Variants in ZNF808 observed in about 807,000 individuals in gnomAD.
ZNF808 encodes the protein zinc finger protein 808.
In ZNF808, 5 loss-of-function variants were observed where a neutral mutation model predicts 8.7. That is an observed-to-expected ratio of 0.58 (90% confidence interval 0.30 to 1.21). The LOEUF is 1.21. ZNF808 is among the 50% of genes most tolerant of loss of function. The probability of loss-of-function intolerance (pLI) is 0.07; values close to 1 mark genes in which losing one functional copy is unlikely to be tolerated. For synonymous variants in ZNF808, 380 were observed against 366.0 expected (o/e 1.04, Z -0.44); for missense variants, 1,103 against 1,098.4 (o/e 1.00, Z -0.06).
At chr19:52,565,210 G>A (rs918111400), downstream of ZNF808, among the ~76,000 whole-genome samples, 3 of 152,126 alleles carry the variant, frequency 2.0e-5, no homozygotes, top group African/African-American at 4.8e-5. Flanking sequence ...CTTGGGAGGC[G>A]GAGGTTGCTG....
intron 2 of ZNF808, among the ~76,000 whole-genome samples, chr19:52,535,187 C>A (rs2059593656): frequency 6.6e-6 from 1 of 151,394 alleles, no homozygotes; most frequent in South Asian, 2.1e-4. Flanking sequence ...AAAAATTAGC[C>A]GAGCGTCGTG....
chr19:52,536,781 C>T (rs542458446), intron 2 of ZNF808, among the ~76,000 whole-genome samples: 16 of 151,768 alleles, frequency 1.1e-4, no homozygotes, highest in East Asian at 7.8e-4. Flanking sequence ...GACAGGGGGG[C>T]GTAACAGGGA....
At chr19:52,532,021 A>G (rs575223233) in intron 1 of ZNF808, among the ~76,000 whole-genome samples, 2 of 152,316 alleles carry the variant, frequency 1.3e-5, no homozygotes, top group South Asian at 4.1e-4. Flanking sequence ...AGAATTCTGC[A>G]GGCTGTATAA....
downstream of ZNF808, among the ~76,000 whole-genome samples, chr19:52,558,474 C>T (rs1384066935): frequency 1.3e-5 from 2 of 152,038 alleles, no homozygotes; most frequent in Admixed American, 6.6e-5. Context: ...CAGGTTCAAG[C>T]GATTCTTGTG....
At chr19:52,552,367 AATT>A (rs774286898) in intron 4 of ZNF808, among the ~76,000 whole-genome samples, 5 of 151,266 alleles carry the variant, frequency 3.3e-5, no homozygotes, top group Non-Finnish European at 5.9e-5. Flanking sequence ...AGATATATAT[AATT>A]TTATGACATT....
In ZNF808 at chr19:52,553,753, A is replaced by C. The variant is rs1005043251; in HGVS notation, c.837A>C (p.Arg279Ser). 1.9e-6 allele frequency: 3 copies of C among 1,614,072 alleles called. No individual in the cohort carries two copies. The highest frequency in any genetic ancestry group is 2.5e-6 in the Non-Finnish European group (3 of 1,180,028). The stretch of plus-strand genomic sequence containing the variant: ...AGCAATACCTTGCATGCCATCGTAG[A>C]TGTCACACTGGAGAGAAACCTTACA... ...NHKQYLACHR[R>S]CHTGEKPYKC... The change falls in exon 5 of 5, where the codon AGA becomes AGC. Residue 279 changes from arginine to serine, a missense_variant. By Grantham distance (110) the Arg-to-Ser change is moderately radical. Coordinates refer to ENST00000359798, the MANE Select transcript of ZNF808 (RefSeq NM_001039886.4).
intron 3 of ZNF808, among the ~76,000 whole-genome samples, chr19:52,544,145 C>T (rs1256787596): frequency 2.0e-5 from 3 of 151,938 alleles, no homozygotes; most frequent in Admixed American, 2.0e-4. Context: ...GGAGATGGAG[C>T]GAGACTCTGT....
intron 4 of ZNF808, 120 bp downstream of exon 4, chr19:52,547,758 T>TTTC: frequency 6.9e-7 from 1 of 1,451,784 alleles, no homozygotes; most frequent in African/African-American, 1.4e-5. Context: ...TTTTTTTTTT[T>TTTC]TGACATGGAG....
intron 2 of ZNF808, among the ~76,000 whole-genome samples, chr19:52,540,314 T>C (rs1274629080): frequency 6.6e-6 from 1 of 152,216 alleles, no homozygotes; most frequent in Non-Finnish European, 1.5e-5. Flanking sequence ...CTGTCCTCAT[T>C]GTTTTCAAAG....
rs187341923 is a variant in ZNF808, at chr19:52,553,852, A to G, written c.936A>G (p.Val312=). 124 of 1,614,100 alleles carry G rather than the reference A, an allele frequency of 7.7e-5. No individual in the cohort carries two copies. The East Asian group carries it at 2.7e-3, about 35-fold the overall frequency. ...GCCATCATAGACTTCATACTGGAGT[A>G]AAACCTTACAAGTGTAATGAGTGTG... is the stretch of plus-strand genomic sequence containing the variant. ...LTCHHRLHTG[V]KPYKCNECGK... is the part of the protein sequence containing the mutation. Residue 312 remains valine, a synonymous_variant, in exon 5 of 5, where the codon GTA becomes GTG. Transcript: ENST00000359798.
intron 4 of ZNF808, among the ~76,000 whole-genome samples, chr19:52,549,015 C>T (rs1600013043): frequency 6.6e-6 from 1 of 151,958 alleles, no homozygotes; most frequent in Admixed American, 6.6e-5. Context: ...CTCTGTCACC[C>T]AGGCTCAAGT....
At chr19:52,561,793 C>T (rs558158739) in intron 3 of ZNF808, among the ~76,000 whole-genome samples, 16 of 152,162 alleles carry the variant, frequency 1.1e-4, no homozygotes, top group Admixed American at 5.2e-4. Context: ...GAGATCCACC[C>T]GCCTCGGTCT....
At chr19:52,535,420 T>C (rs1187650644) in intron 2 of ZNF808, among the ~76,000 whole-genome samples, 1 of 151,578 alleles carries the variant, frequency 6.6e-6, no homozygotes, top group African/African-American at 2.4e-5. Flanking sequence ...GGTGTTACTT[T>C]GTCACCCAGG....
At chr19:52,533,545 A>T (rs1170748624) in intron 2 of ZNF808, among the ~76,000 whole-genome samples, 1 of 151,228 alleles carries the variant, frequency 6.6e-6, no homozygotes, top group Non-Finnish European at 1.5e-5. Context: ...ATTTCTGAAG[A>T]ACTTGGGAGC....
At chr19:52,566,637 T>C (rs1458962192), downstream of ZNF808, among the ~76,000 whole-genome samples, 1 of 152,166 alleles carries the variant, frequency 6.6e-6, no homozygotes, top group Non-Finnish European at 1.5e-5. Context: ...TCAGATACAT[T>C]ACAAAAGGAT....
chr19:52,528,352 A>G (rs1286160357), intron 1 of ZNF808, among the ~76,000 whole-genome samples: 4 of 152,168 alleles, frequency 2.6e-5, no homozygotes, highest in Admixed American at 2.6e-4. Context: ...TCTTACTCCA[A>G]ACCCTCCTGC....
downstream of ZNF808, among the ~76,000 whole-genome samples, chr19:52,559,184 C>A (rs1410350797): frequency 6.6e-6 from 1 of 151,916 alleles, no homozygotes; most frequent in African/African-American, 2.4e-5. Flanking sequence ...AGGAAGGCAT[C>A]TGTCTCCTGC....
Position 52,543,281 on chromosome 19 carries a change from A to C in ZNF808, c.-4A>C. 2 of 1,613,272 alleles carry C rather than the reference A, an allele frequency of 1.2e-6. No individual in the cohort carries two copies. The highest frequency in any genetic ancestry group is 1.7e-6 in the Non-Finnish European group (2 of 1,179,658). On this transcript the variant is annotated 5_prime_UTR_variant, in exon 3 of 5. Coordinates refer to ENST00000359798, the MANE Select transcript of ZNF808 (RefSeq NM_001039886.4). ...TCACATACAGGATTGATTTCTAAAG[A>C]CTCATGTTACGTGAGGAAGCAGCTC...
chr19:52,563,300 T>A (rs2059863643), intron 3 of ZNF808: 1 of 152,216 alleles, frequency 6.6e-6, no homozygotes, highest in African/African-American at 2.4e-5. Flanking sequence ...TTAATTAATT[T>A]TTATGATTTT....
Sources: allele counts gnomAD v4.1 joint callset (sites outside exome capture counted in the v4.1 genomes callset), GRCh38; gene constraint gnomAD v4.1.1; transcripts MANE v1.5; gene names NCBI Gene and HGNC (gene_info 2026-07-23, HGNC 2026-07-21).